HCN1: variants seen among roughly 807,000 people sequenced by gnomAD.
HCN1 encodes potassium/sodium hyperpolarization-activated cyclic nucleotide-gated channel 1.
Under a neutral mutation model 78.9 loss-of-function variants are expected in HCN1, and 13 were observed. That is an observed-to-expected ratio of 0.16 (90% CI 0.11 to 0.26). The LOEUF is 0.26. HCN1 is among the 10% of genes least tolerant of loss of function. HCN1 has a pLI of 1.00. For synonymous variants in HCN1, 552 were observed against 455.5 expected (o/e 1.21, Z -2.70); for missense variants, 810 against 1,154.3 (o/e 0.70, Z 4.32).
intron 2 of HCN1, among the ~76,000 whole-genome samples, chr5:45,550,952 A>G: frequency 6.6e-6 from 1 of 151,960 alleles, no homozygotes; most frequent in Non-Finnish European, 1.5e-5. Flanking sequence ...TGGATTTTGC[A>G]TTTGTTAGAA....
chr5:45,456,642 A>G (rs1314717620), intron 3 of HCN1, among the ~76,000 whole-genome samples: 1 of 152,068 alleles, frequency 6.6e-6, no homozygotes, highest in African/African-American at 2.4e-5. Context: ...AAAATAATGA[A>G]TCAACAAATA....
chr5:45,407,092 A>T (rs928130656), intron 3 of HCN1, among the ~76,000 whole-genome samples: 3 of 152,154 alleles, frequency 2.0e-5, no homozygotes, highest in Non-Finnish European at 4.4e-5. Context: ...ACACTGAGTG[A>T]TGTGCTTTCA....
chr5:45,678,970 AG>A (rs1266179299), intron 1 of HCN1, among the ~76,000 whole-genome samples: 1 of 152,024 alleles, frequency 6.6e-6, no homozygotes, highest in African/African-American at 2.4e-5. Context: ...TTGACTAAAA[AG>A]GCACCATTTC....
At chr5:45,515,352 A>G (rs1197307566) in intron 2 of HCN1, among the ~76,000 whole-genome samples, 1 of 152,028 alleles carries the variant, frequency 6.6e-6, no homozygotes, top group Non-Finnish European at 1.5e-5. Context: ...GTTTTTACCC[A>G]AAAGCATCAA....
At chr5:45,348,539 A>G (rs1314323410) in intron 5 of HCN1, among the ~76,000 whole-genome samples, 1 of 152,196 alleles carries the variant, frequency 6.6e-6, no homozygotes, top group Non-Finnish European at 1.5e-5. Flanking sequence ...ATGTAAATGG[A>G]CTAAATGCTC....
chr5:45,657,009 G>A (rs778572177), intron 1 of HCN1, among the ~76,000 whole-genome samples: 13 of 151,996 alleles, frequency 8.6e-5, no homozygotes, highest in Admixed American at 2.0e-4. Context: ...TGGCAGCTGC[G>A]TATTATCTGA....
chr5:45,434,477 A>C (rs2112080358), intron 3 of HCN1, among the ~76,000 whole-genome samples: 2 of 152,342 alleles, frequency 1.3e-5, no homozygotes, highest in East Asian at 3.9e-4. Flanking sequence ...ACTAAAGAAC[A>C]CTAAGATACA....
intron 6 of HCN1, among the ~76,000 whole-genome samples, chr5:45,285,716 TGTTCC>T (rs1745255683): frequency 1.3e-5 from 2 of 152,062 alleles, no homozygotes; most frequent in Admixed American, 1.3e-4. Context: ...GATTTAAAGA[TGTTCC>T]TAATTGACTA....
chr5:45,664,201 C>T (rs1319625837), intron 1 of HCN1, among the ~76,000 whole-genome samples: 12 of 74,824 alleles, frequency 1.6e-4, no homozygotes, highest in African/African-American at 6.1e-4. Context: ...AGTAAACTAT[C>T]GCAAGAACAA....
chr5:45,622,189 G>C (rs534073855), intron 2 of HCN1, among the ~76,000 whole-genome samples: 1 of 152,006 alleles, frequency 6.6e-6, no homozygotes, highest in Non-Finnish European at 1.5e-5. Flanking sequence ...CTGGGCGACA[G>C]AGGGAGACTT....
rs867051180 is a variant in HCN1, at chr5:45,376,304, T to C, written c.1230+20188A>G. 0.018 allele frequency among the ~76,000 whole-genome samples: 25 copies of C among 1,396 alleles called. No individual in the cohort carries two copies. The South Asian group carries it at 0.32, about 18-fold the overall frequency. 0.9% of individuals were successfully genotyped at this position (1,396 alleles called of 152,430 possible). ...ATATATAGATATATATTGTATTATA[T>C]ATAAAATATGTTATATTACATATAT... On this transcript the variant is annotated intron_variant, in intron 4 of 7. Coordinates refer to ENST00000303230, the MANE Select transcript of HCN1 (RefSeq NM_021072.4).
chr5:45,434,954 T>C (rs931966806), intron 3 of HCN1, among the ~76,000 whole-genome samples: 22 of 152,118 alleles, frequency 1.4e-4, no homozygotes, highest in African/African-American at 5.3e-4. Flanking sequence ...AGATCATCTT[T>C]ATTTTTTTTA....
intron 2 of HCN1, among the ~76,000 whole-genome samples, chr5:45,485,803 G>C (rs1741746791): frequency 6.6e-6 from 1 of 152,036 alleles, no homozygotes; most frequent in South Asian, 2.1e-4. Context: ...TGGTGTGCAG[G>C]GGGTGAAGGT....
chr5:45,526,109 T>C (rs774332547), intron 2 of HCN1, among the ~76,000 whole-genome samples: 1 of 151,990 alleles, frequency 6.6e-6, no homozygotes, highest in Non-Finnish European at 1.5e-5. Context: ...AATAAATGTG[T>C]GTTATTTATA....
At chr5:45,328,832 C>A (rs1746287133) in intron 5 of HCN1, among the ~76,000 whole-genome samples, 1 of 151,626 alleles carries the variant, frequency 6.6e-6, no homozygotes, top group Non-Finnish European at 1.5e-5. Context: ...GGCAGAAGCA[C>A]TATACACAAT....
At chr5:45,513,791 G>A (rs1367696969) in intron 2 of HCN1, among the ~76,000 whole-genome samples, 1 of 152,110 alleles carries the variant, frequency 6.6e-6, no homozygotes, top group East Asian at 1.9e-4. Flanking sequence ...AGTCCCTGGT[G>A]ACAAAAAGGT....
chr5:45,563,843 T>C (rs1352991779), intron 2 of HCN1, among the ~76,000 whole-genome samples: 1 of 152,152 alleles, frequency 6.6e-6, no homozygotes, highest in Admixed American at 6.6e-5. Flanking sequence ...AGCTGAAAAA[T>C]CTGAGTCCCA....
At chr5:45,286,282 C>T (rs1255237711) in intron 6 of HCN1, among the ~76,000 whole-genome samples, 1 of 151,816 alleles carries the variant, frequency 6.6e-6, no homozygotes, top group African/African-American at 2.4e-5. Context: ...TATAATAGTA[C>T]ATGCACAACT....
At chr5:45,573,018 T>G (rs990977815) in intron 2 of HCN1, among the ~76,000 whole-genome samples, 3 of 152,178 alleles carry the variant, frequency 2.0e-5, no homozygotes, top group Non-Finnish European at 4.4e-5. Flanking sequence ...CATTAGCATT[T>G]GTTTTGCTTA....
Sources: allele counts gnomAD v4.1 joint callset (sites outside exome capture counted in the v4.1 genomes callset), GRCh38; gene constraint gnomAD v4.1.1; transcripts MANE v1.5; gene names NCBI Gene and HGNC (gene_info 2026-07-23, HGNC 2026-07-21).